HDC: variants seen among roughly 807,000 people sequenced by gnomAD.
The protein encoded by HDC is histidine decarboxylase.
A neutral mutation model predicts 64.4 loss-of-function variants in HDC; 27 were observed. The observed-to-expected ratio is 0.42, with a 90% CI of 0.31 to 0.58. The LOEUF is 0.58. Among genes scored for constraint, HDC ranks in the 20% least tolerant of loss-of-function variants. The probability of loss-of-function intolerance (pLI) is 0.16; values close to 1 mark genes in which losing one functional copy is unlikely to be tolerated. For synonymous variants in HDC, 305 were observed against 314.2 expected, an observed-to-expected ratio of 0.97 and a Z score of 0.31; for missense variants, 711 against 833.9, an observed-to-expected ratio of 0.85 and a Z score of 1.81.
intron 10 of HDC, among the ~76,000 whole-genome samples, chr15:50,247,578 T>TTG (rs2045498677): frequency 6.6e-6 from 1 of 152,148 alleles, no homozygotes; most frequent in Admixed American, 6.5e-5. Context: ...GCATGTGGAC[T>TTG]CTTGTAGAAG....
intron 2 of HDC, among the ~76,000 whole-genome samples, chr15:50,258,844 C>T (rs141987265): frequency 5.3e-5 from 8 of 152,270 alleles, no homozygotes; most frequent in African/African-American, 1.9e-4. Context: ...ACTTACCCCT[C>T]ATGCCGCCCC....
intron 9 of HDC, among the ~76,000 whole-genome samples, chr15:50,251,955 A>T (rs773330793): frequency 2.6e-5 from 4 of 152,222 alleles, no homozygotes; most frequent in African/African-American, 4.8e-5. Flanking sequence ...AGAACCTCAC[A>T]CAAGTCCTGC....
chr15:50,252,086 G>C (rs1296808644), intron 9 of HDC, among the ~76,000 whole-genome samples: 1 of 152,080 alleles, frequency 6.6e-6, no homozygotes, highest in Non-Finnish European at 1.5e-5. Flanking sequence ...CCTGCTGCTG[G>C]GTAAGAAACA....
rs573324263 is a variant in HDC at position 50,263,611 on chromosome 15, C to T, written c.32-204G>A. Among the ~76,000 whole-genome samples, 11 of 152,262 alleles carry T rather than the reference C, an allele frequency of 7.2e-5. No homozygotes were observed. The South Asian group carries it at 2.3e-3, about 32-fold the overall frequency. On this transcript the variant is annotated intron_variant, in intron 1 of 11. Transcript: ENST00000267845. ...GGTCAGGAGATCAAGACCATCCTGACTAACATGGTCAAACCCCTCTCTACT... is the reference window on the plus strand; with the variant it reads ...GGTCAGGAGATCAAGACCATCCTGATTAACATGGTCAAACCCCTCTCTACT...
Position 50,253,944 on chromosome 15 carries a change from C to T in HDC, c.720+186G>A, listed in dbSNP as rs952992617. On this transcript the variant is annotated intron_variant, in intron 6 of 11. Transcript: ENST00000267845. The stretch of plus-strand genomic sequence containing the variant: ...TTTTATACTATATTTCTTTTTAATG[C>T]TGGTTATGACCCACAAAATTTATTC... 30 of 677,632 alleles carry T rather than the reference C, an allele frequency of 4.4e-5. 1 individual carries two copies. Among genetic ancestry groups the T allele is most frequent in the Non-Finnish European group, 6.9e-5 (27 of 389,216 alleles). The allele number at this position is 677,632 out of a possible 1,614,324, so 42.0% of individuals were successfully genotyped here. A position where few individuals can be genotyped will look rare whatever the true frequency, so the allele number is the denominator to read the frequency against.
At chr15:50,264,024 C>T (rs1336534434) in intron 1 of HDC, among the ~76,000 whole-genome samples, 1 of 152,156 alleles carries the variant, frequency 6.6e-6, no homozygotes, top group African/African-American at 2.4e-5. Context: ...ACCTTTCTTT[C>T]CTTCTCAGAA....
At chr15:50,249,578 G>A (rs1379342870) in intron 9 of HDC, among the ~76,000 whole-genome samples, 4 of 152,200 alleles carry the variant, frequency 2.6e-5, no homozygotes, top group South Asian at 2.1e-4. Flanking sequence ...GTGCTGGGGA[G>A]CAGCTTGGGG....
Position 50,242,656 on chromosome 15 carries a change from G to T in HDC, c.1593C>A (p.Ala531=). ...GGCCATTTTCCCTTTTCATGGGACCGGCTCCCACACGCTGAGGCTGCTTGA... is the reference window on the plus strand; with the variant it reads ...GGCCATTTTCCCTTTTCATGGGACCTGCTCCCACACGCTGAGGCTGCTTGA... ...KIIKQPQRVG[A]GPMKRENGLH... The change falls in exon 12 of 12, where the codon GCC becomes GCA. Residue 531 remains alanine (A), a synonymous_variant. Coordinates refer to ENST00000267845, the MANE Select transcript of HDC (RefSeq NM_002112.4). The T allele has an allele frequency of 6.2e-7, 1 of 1,614,150 alleles. No homozygotes were observed.
chr15:50,257,827 C>T lies in HDC; in HGVS notation c.319-280G>A, dbSNP rs111578156. On this transcript the variant is annotated intron_variant, in intron 3 of 11. Coordinates refer to ENST00000267845, the MANE Select transcript of HDC (RefSeq NM_002112.4). ...TTGGCTTGGATTTGGTTCTCCAAGT[C>T]GCTAAAATACATAGCTGAGAAGTCC... Among the ~76,000 whole-genome samples the T allele has an allele frequency of 3.6e-3, 546 of 152,204 alleles. 6 individuals are homozygous for T. Among genetic ancestry groups the T allele is most frequent in the African/African-American group, 0.013 (520 of 41,520 alleles).
intron 9 of HDC, among the ~76,000 whole-genome samples, chr15:50,251,556 G>A (rs2045554242): frequency 1.3e-5 from 2 of 152,108 alleles, no homozygotes; most frequent in Middle Eastern, 3.2e-3. Flanking sequence ...TAATACATTC[G>A]TTTACATCCC....
In HDC at chr15:50,248,385, G is replaced by C. The variant is rs774004491; in HGVS notation, c.1042-42C>G. On this transcript the variant is annotated intron_variant, in intron 9 of 11. Transcript: ENST00000267845. The surrounding 1 kb of genome is among the most constrained non-coding windows in gnomAD (Gnocchi z 4.3). ...ACAGTGCCCAAGGTTAGAGACAAGG[G>C]TGCCCCACTCCCTCGGGCATTTCTG... The C allele has an allele frequency of 1.4e-6, 2 of 1,415,472 alleles. No individual in the cohort carries two copies. The highest frequency in any genetic ancestry group is 3.4e-5 in the Admixed American group (2 of 59,380). The allele number at this position is 1,415,472 out of a possible 1,614,324, so 87.7% of individuals were successfully genotyped here.
rs1345309513 is a variant in HDC, at chr15:50,248,390, C to T, written c.1042-47G>A. On this transcript the variant is annotated intron_variant, in intron 9 of 11. Coordinates refer to ENST00000267845, the MANE Select transcript of HDC (RefSeq NM_002112.4). This position sits in a 1 kb window ranked among gnomAD's most constrained non-coding sequence, Gnocchi z 4.3. ...GCCCAAGGTTAGAGACAAGGGTGCC[C>T]CACTCCCTCGGGCATTTCTGGGCAT... The T allele has an allele frequency of 1.5e-6, 2 of 1,375,116 alleles. No homozygotes were observed. The highest frequency in any genetic ancestry group is 2.1e-6 in the Non-Finnish European group (2 of 965,468). The allele number at this position is 1,375,116 out of a possible 1,614,324, so 85.2% of individuals were successfully genotyped here.
intron 2 of HDC, among the ~76,000 whole-genome samples, chr15:50,262,438 G>A (rs866354415): frequency 3.3e-5 from 5 of 152,278 alleles, no homozygotes; most frequent in South Asian, 2.1e-4. Flanking sequence ...AGGGAGCCCC[G>A]CCACAGGAAG....
At chr15:50,249,716 T>A (rs2045529405) in intron 9 of HDC, among the ~76,000 whole-genome samples, 1 of 152,258 alleles carries the variant, frequency 6.6e-6, no homozygotes. Flanking sequence ...ATAGGGATCA[T>A]CTGTCAAAAG....
chr15:50,254,460 A>T, intron 5 of HDC, 70 bp downstream of exon 5: 1 of 1,609,656 alleles, frequency 6.2e-7, no homozygotes, highest in Non-Finnish European at 8.5e-7. Context: ...CTAGAAAAAA[A>T]TTGCTCAAGG....
chr15:50,265,302 G>T (rs545550607), intron 1 of HDC, among the ~76,000 whole-genome samples: 15 of 152,210 alleles, frequency 9.9e-5, no homozygotes, highest in African/African-American at 3.1e-4. Flanking sequence ...GTGGCTCAGG[G>T]ATCCAAATCC....
chr15:50,252,731 T>C lies in HDC; in HGVS notation c.831A>G (p.Ala277=). Residue 277 remains alanine, a synonymous_variant, in exon 8 of 12, where the codon GCA becomes GCG. Transcript: ENST00000267845. The part of the protein sequence containing the change: ...GLWLHIDAAY[A]GTAFLCPEFR... ...ACTCGGGGCACAGGAAGGCAGTGCCTGCATAAGCAGCATCGATGTGGAGCC... is the reference window on the plus strand; with the variant it reads ...ACTCGGGGCACAGGAAGGCAGTGCCCGCATAAGCAGCATCGATGTGGAGCC... 1 of 1,613,956 alleles carries C rather than the reference T, an allele frequency of 6.2e-7. No homozygotes were observed. Among genetic ancestry groups the C allele is most frequent in the Admixed American group, 1.7e-5 (1 of 59,992 alleles).
chr15:50,242,271 C>T lies in HDC; in HGVS notation c.1978G>A (p.Ala660Thr), dbSNP rs757247674. 1.2e-6 allele frequency: 2 copies of T among 1,613,926 alleles called. No individual in the cohort carries two copies. Among genetic ancestry groups the T allele is most frequent in the Admixed American group, 1.7e-5 (1 of 59,994 alleles). Residue 660 changes from alanine to threonine, a missense_variant, in exon 12 of 12, where the codon GCC (alanine) becomes ACC (threonine). Ala to Thr is a moderately conservative substitution (Grantham distance 58). Around this residue, in one of 3 missense-constraint regions of HDC, gnomAD observed 483 missense variants for 540.9 expected, o/e 0.89. Coordinates refer to ENST00000267845, the MANE Select transcript of HDC (RefSeq NM_002112.4). Reference protein sequence around the residue: ...GLQLPCCPLQAMV With the variant: ...GLQLPCCPLQTMV ...TGAAGGCCCTGTGTCTAAACCATGG[C>T]CTGCAGAGGGCAACAGGGCAGCTGG... is the stretch of plus-strand genomic sequence containing the variant.
chr15:50,252,364 G>C (rs1209115315), intron 9 of HDC, 66 bp downstream of exon 9: 38 of 1,249,822 alleles, frequency 3.0e-5, no homozygotes, highest in Non-Finnish European at 4.1e-5. Flanking sequence ...GATTTTGGGG[G>C]GTCAGACGCC....
Sources: allele counts gnomAD v4.1 joint callset (sites outside exome capture counted in the v4.1 genomes callset), GRCh38; gene constraint gnomAD v4.1.1; regional missense constraint gnomAD v4.1.1; non-coding constraint Gnocchi (gnomAD v3.1); transcripts MANE v1.5; gene names NCBI Gene and HGNC (gene_info 2026-07-23, HGNC 2026-07-21).